The following RPGRIP1L variants were observed in gnomAD, a reference collection of about 807,000 sequenced individuals.
RPGRIP1L encodes the protein protein fantom.
A neutral mutation model predicts 160.4 loss-of-function variants in RPGRIP1L; 131 were observed. The ratio of observed to expected loss-of-function variants is 0.82; its 90% CI spans 0.71 to 0.94. RPGRIP1L has a LOEUF of 0.94. Among genes scored for constraint, RPGRIP1L ranks in the 40% least tolerant of loss-of-function variants. The pLI, the probability that RPGRIP1L is intolerant of heterozygous loss-of-function variation, is 0.00. For missense variants in RPGRIP1L, 1,522 were observed against 1,535.8 expected (o/e 0.99, Z 0.15); for synonymous variants, 510 against 515.8 (o/e 0.99, Z 0.15).
intron 2 of RPGRIP1L, among the ~76,000 whole-genome samples, chr16:53,700,428 G>T (rs1484230270): frequency 6.6e-6 from 1 of 152,180 alleles, no homozygotes; most frequent in Non-Finnish European, 1.5e-5. Flanking sequence ...CAGAACAGAG[G>T]GGGGACTGTA....
At chr16:53,701,511 C>A (rs1417015456) in intron 1 of RPGRIP1L, among the ~76,000 whole-genome samples, 1 of 149,476 alleles carries the variant, frequency 6.7e-6, no homozygotes, top group African/African-American at 2.5e-5. Context: ...TGTGAGTGGT[C>A]CACACAATAT....
In RPGRIP1L at chr16:53,653,965, GT is replaced by G. The variant is rs1384937689; in HGVS notation, c.1700-979del. Among the ~76,000 whole-genome samples, 2 of 151,882 alleles carry G rather than the reference GT, an allele frequency of 1.3e-5. 1 individual carries two copies. The highest frequency in any genetic ancestry group is 4.2e-4 in the South Asian group (2 of 4,818). ...AAAACAGAATGTATCATACTGTCTT[GT>G]TTTTTTGTATGTTTTGAGACAGATT... On this transcript the variant is annotated intron_variant, in intron 14 of 26. Transcript: ENST00000647211.
chr16:53,641,533 T>C, intron 17 of RPGRIP1L, 58 bp from the exon 18 acceptor site: 4 of 1,466,380 alleles, frequency 2.7e-6, no homozygotes, highest in Non-Finnish European at 3.8e-6. Flanking sequence ...ACTGTAAGAA[T>C]TAAAGAACAA....
intron 25 of RPGRIP1L, among the ~76,000 whole-genome samples, chr16:53,606,460 T>C (rs1288684453): frequency 6.6e-6 from 1 of 152,216 alleles, no homozygotes; most frequent in African/African-American, 2.4e-5. Flanking sequence ...TCTACATCTC[T>C]GAGAAATCAT....
intron 22 of RPGRIP1L, chr16:53,628,142 G>A (rs1187812932): frequency 6.6e-6 from 1 of 151,972 alleles, no homozygotes; most frequent in Admixed American, 6.6e-5. Context: ...GTGTGTGTGT[G>A]TGTACATAGA....
At chr16:53,630,273 C>G (rs1965439505) in intron 22 of RPGRIP1L, among the ~76,000 whole-genome samples, 1 of 152,058 alleles carries the variant, frequency 6.6e-6, no homozygotes, top group Non-Finnish European at 1.5e-5. Flanking sequence ...TGGTCCTGAA[C>G]TGCTATCCTC....
intron 4 of RPGRIP1L, among the ~76,000 whole-genome samples, chr16:53,691,589 A>G (rs1011133852): frequency 2.0e-5 from 3 of 152,216 alleles, no homozygotes; most frequent in African/African-American, 7.2e-5. Flanking sequence ...TGTAGAAATA[A>G]GGACCCAACT....
At chr16:53,606,894 G>A (rs1207303522) in intron 25 of RPGRIP1L, among the ~76,000 whole-genome samples, 3 of 152,164 alleles carry the variant, frequency 2.0e-5, no homozygotes, top group African/African-American at 4.8e-5. Context: ...GATTACAGGC[G>A]TGAGTCACTG....
chr16:53,638,225 T>A (rs1965963611), intron 20 of RPGRIP1L, 85 bp downstream of exon 20: 4 of 850,188 alleles, frequency 4.7e-6, no homozygotes, highest in Non-Finnish European at 8.0e-6. Context: ...ATGCTATGAC[T>A]TCCTGAGTCA....
chr16:53,635,032 G>GT (rs1965750815), intron 22 of RPGRIP1L, among the ~76,000 whole-genome samples: 1 of 152,088 alleles, frequency 6.6e-6, no homozygotes, highest in Non-Finnish European at 1.5e-5. Context: ...AGTGAAGACC[G>GT]TATCAGGCTG....
chr16:53,663,444 T>C (rs773780584), intron 10 of RPGRIP1L, among the ~76,000 whole-genome samples: 9 of 152,030 alleles, frequency 5.9e-5, no homozygotes, highest in Non-Finnish European at 8.8e-5. Flanking sequence ...GAAATAAAAA[T>C]GGTTTATTTC....
intron 15 of RPGRIP1L, among the ~76,000 whole-genome samples, chr16:53,649,575 A>C (rs1966807336): frequency 6.6e-6 from 1 of 152,150 alleles, no homozygotes; most frequent in African/African-American, 2.4e-5. Context: ...GCACCTTCCC[A>C]TTTCTAGACT....
In RPGRIP1L at chr16:53,638,346, T is replaced by A. The variant is rs767920573; in HGVS notation, c.3024A>T (p.Ile1008=). 5 of 1,596,338 alleles carry A rather than the reference T, an allele frequency of 3.1e-6. No individual in the cohort carries two copies. Among genetic ancestry groups the A allele is most frequent in the East Asian group, 2.2e-5 (1 of 44,624 alleles). ...GTGGAACAGTCAGCATATTAATTTCTATTTCTGGTATATGCTCTACCTCTG... is the reference window on the plus strand; with the variant it reads ...GTGGAACAGTCAGCATATTAATTTCAATTTCTGGTATATGCTCTACCTCTG... ...ISPEVEHIPE[I]EINMLTVPHV... The change falls in exon 20 of 27, where the codon ATA becomes ATT. Residue 1008 remains isoleucine, a synonymous_variant. Coordinates refer to ENST00000647211, the MANE Select transcript of RPGRIP1L (RefSeq NM_015272.5).
At chr16:53,664,659 T>C (rs906104294) in intron 10 of RPGRIP1L, among the ~76,000 whole-genome samples, 4 of 152,102 alleles carry the variant, frequency 2.6e-5, no homozygotes, top group African/African-American at 7.2e-5. Flanking sequence ...AGAATAGCTA[T>C]GAGAAAAAGC....
At chr16:53,698,595 C>T (rs1239114929) in intron 2 of RPGRIP1L, among the ~76,000 whole-genome samples, 5 of 144,064 alleles carry the variant, frequency 3.5e-5, no homozygotes, top group African/African-American at 1.3e-4. Flanking sequence ...GTGAGGGGCG[C>T]CTCTGCCCGG....
intron 14 of RPGRIP1L, 148 bp downstream of exon 14, chr16:53,656,324 G>C (rs548841372): frequency 5.7e-4 from 428 of 748,448 alleles, no homozygotes; most frequent in Admixed American, 1.3e-3. Context: ...TGGAACCCAG[G>C]AGGTCAAAGC....
intron 1 of RPGRIP1L, among the ~76,000 whole-genome samples, chr16:53,701,433 A>G (rs1971386046): frequency 6.6e-6 from 1 of 151,552 alleles, no homozygotes; most frequent in African/African-American, 2.4e-5. Context: ...TCTCTAGCTA[A>G]TTCTAGTATT....
chr16:53,649,202 T>G, intron 15 of RPGRIP1L, 87 bp from the exon 16 acceptor site: 3 of 1,092,100 alleles, frequency 2.7e-6, no homozygotes, highest in Non-Finnish European at 4.2e-6. Flanking sequence ...CATTATGCAT[T>G]AAAACTATAC....
intron 13 of RPGRIP1L, among the ~76,000 whole-genome samples, chr16:53,657,060 G>A (rs1047096420): frequency 6.6e-6 from 1 of 152,070 alleles, no homozygotes; most frequent in Non-Finnish European, 1.5e-5. Flanking sequence ...GGCTAACATG[G>A]TGAATCCCCA....
Sources: gnomAD v4.1 joint callset for allele counts (sites outside exome capture counted in the v4.1 genomes callset) on GRCh38, gnomAD v4.1.1 for gene constraint, MANE v1.5 for transcripts, NCBI Gene and HGNC (gene_info 2026-07-23, HGNC 2026-07-21) for gene names.